Variants in LRRFIP1 observed in about 807,000 individuals in gnomAD.
LRRFIP1 encodes the protein LRR binding FLII interacting protein 1, also known as leucine-rich repeat flightless-interacting protein 1.
LRRFIP1 carries 62 observed loss-of-function variants against 104.4 expected under a neutral mutation model. That is an observed-to-expected ratio of 0.59 (90% CI 0.48 to 0.73). LRRFIP1 has a LOEUF of 0.73. LRRFIP1 is among the 30% of genes least tolerant of loss of function. The pLI is 0.00. For missense variants in LRRFIP1, 796 were observed against 824.5 expected (o/e 0.97, Z 0.42); for synonymous variants, 300 against 299.0 (o/e 1.00, Z -0.03).
chr2:237,738,970 G>A (rs2095334379), intron 10 of LRRFIP1, among the ~76,000 whole-genome samples: 2 of 152,338 alleles, frequency 1.3e-5, no homozygotes, highest in Non-Finnish European at 1.5e-5. Context: ...CCAATTGAAC[G>A]GGTGCTTTGT....
At chr2:237,704,460 A>G (rs1451040102) in intron 1 of LRRFIP1, among the ~76,000 whole-genome samples, 1 of 152,076 alleles carries the variant, frequency 6.6e-6, no homozygotes, top group African/African-American at 2.4e-5. Flanking sequence ...GGCCAACTCT[A>G]CGGATTTTCT....
At chr2:237,657,619 G>C (rs1346772842) in intron 1 of LRRFIP1, among the ~76,000 whole-genome samples, 1 of 152,142 alleles carries the variant, frequency 6.6e-6, no homozygotes, top group South Asian at 2.1e-4. Context: ...AGGAAAGAAA[G>C]CGTGACAGAA....
At chr2:237,731,177 G>A (rs907800657) in intron 8 of LRRFIP1, among the ~76,000 whole-genome samples, 31 of 152,180 alleles carry the variant, frequency 2.0e-4, no homozygotes, top group Non-Finnish European at 3.8e-4. Context: ...ATTCCTCTGC[G>A]ATTTCCTTTA....
At chr2:237,727,631 G>A (rs1026767710) in intron 7 of LRRFIP1, among the ~76,000 whole-genome samples, 1 of 152,194 alleles carries the variant, frequency 6.6e-6, no homozygotes, top group Non-Finnish European at 1.5e-5. Flanking sequence ...AACTAAGAGT[G>A]GCATGTGACA....
chr2:237,719,620 T>C, intron 5 of LRRFIP1, 53 bp downstream of exon 5: 19 of 1,331,032 alleles, frequency 1.4e-5, no homozygotes, highest in Non-Finnish European at 2.0e-5. Flanking sequence ...TTCTAATTTA[T>C]GCTTGCAGTG....
At chr2:237,686,622 G>A (rs1013769193) in intron 1 of LRRFIP1, among the ~76,000 whole-genome samples, 1 of 152,186 alleles carries the variant, frequency 6.6e-6, no homozygotes, top group Non-Finnish European at 1.5e-5. Flanking sequence ...GAGAGGTTCA[G>A]TACCCAGGTC....
intron 1 of LRRFIP1, among the ~76,000 whole-genome samples, chr2:237,699,819 A>G (rs928490919): frequency 2.0e-5 from 3 of 152,010 alleles, no homozygotes; most frequent in Admixed American, 1.3e-4. Flanking sequence ...CATTTCCAAA[A>G]TGCCCTCTAA....
intron 1 of LRRFIP1, among the ~76,000 whole-genome samples, chr2:237,641,602 T>C (rs181397100): frequency 5.0e-4 from 76 of 152,354 alleles, no homozygotes; most frequent in African/African-American, 1.7e-3. Context: ...CAATCTATTT[T>C]TCTTTCCTAA....
intron 1 of LRRFIP1, among the ~76,000 whole-genome samples, chr2:237,681,881 G>GTT (rs2091885679): frequency 6.7e-6 from 1 of 150,026 alleles, no homozygotes; most frequent in Non-Finnish European, 1.5e-5. Flanking sequence ...GGGTTTCACC[G>GTT]TTTTAGCTGG....
At chr2:237,641,727 T>C (rs1360795119) in intron 1 of LRRFIP1, among the ~76,000 whole-genome samples, 1 of 152,204 alleles carries the variant, frequency 6.6e-6, no homozygotes, top group Non-Finnish European at 1.5e-5. Context: ...GTATTACCAA[T>C]AGCTTGTTTT....
chr2:237,728,564 A>G (rs1272397669), intron 8 of LRRFIP1, among the ~76,000 whole-genome samples: 2 of 151,998 alleles, frequency 1.3e-5, no homozygotes, highest in African/African-American at 4.8e-5. Context: ...TTAATCAAGG[A>G]CAGGAGGTCA....
chr2:237,649,138 A>G lies in LRRFIP1; in HGVS notation c.96+21398A>G, dbSNP rs2085460662. Among the ~76,000 whole-genome samples, 1 of 151,716 alleles carries G rather than the reference A, an allele frequency of 6.6e-6. No individual in the cohort carries two copies. The highest frequency in any genetic ancestry group is 2.4e-5 in the African/African-American group (1 of 41,396). ...GCTGGGCCATGGTTTGGAAGCTCGC[A>G]TGGTCCCAGCCTCAGAGCCCCGTTC... is the stretch of plus-strand genomic sequence containing the variant. On this transcript the variant is annotated intron_variant, in intron 1 of 23. Coordinates refer to ENST00000308482, the MANE Select transcript of LRRFIP1 (RefSeq NM_001137550.2). The surrounding 1 kb of genome is among the most constrained non-coding windows in gnomAD (Gnocchi z 4.1).
rs528994034 is a variant in LRRFIP1, at chr2:237,665,905, T to C, written c.96+38165T>C. ...GAAGGTCTTTGAATAGTAAATGCTG[T>C]TTCCATGGCAACTGCAGTCTGGCTT... is the stretch of plus-strand genomic sequence containing the variant. On this transcript the variant is annotated intron_variant, in intron 1 of 23. Transcript: ENST00000308482. Among the ~76,000 whole-genome samples, 77 of 152,350 alleles carry C rather than the reference T, an allele frequency of 5.1e-4. 1 individual carries two copies. The highest frequency in any genetic ancestry group is 1.7e-3 in the African/African-American group (71 of 41,580).
intron 11 of LRRFIP1, among the ~76,000 whole-genome samples, chr2:237,747,374 G>A (rs2150576662): frequency 6.6e-6 from 1 of 152,306 alleles, no homozygotes; most frequent in Non-Finnish European, 1.5e-5. Context: ...TGAGGGCAGG[G>A]GCATCTGGCC....
intron 1 of LRRFIP1, among the ~76,000 whole-genome samples, chr2:237,632,099 A>G (rs2082425493): frequency 8.0e-6 from 1 of 125,224 alleles, no homozygotes; most frequent in Non-Finnish European, 1.7e-5. Context: ...CCACGGCCAC[A>G]CAGGAGTCCA....
At chr2:237,739,203 G>T in intron 10 of LRRFIP1, 29 bp from the exon 11 acceptor site, 1 of 1,547,156 alleles carries the variant, frequency 6.5e-7, no homozygotes. Flanking sequence ...GTTTCTGGCT[G>T]CGTGTCCTGG....
At chr2:237,674,308 G>A (rs1478789174) in intron 1 of LRRFIP1, among the ~76,000 whole-genome samples, 4 of 152,198 alleles carry the variant, frequency 2.6e-5, no homozygotes, top group Admixed American at 6.5e-5. Context: ...CCTAGCCTGC[G>A]CCCGCAGATG....
intron 1 of LRRFIP1, among the ~76,000 whole-genome samples, chr2:237,707,977 G>A (rs189132239): frequency 6.6e-6 from 1 of 152,242 alleles, no homozygotes; most frequent in East Asian, 1.9e-4. Flanking sequence ...TGACTGGACA[G>A]CAGTTCGCTG....
chr2:237,709,632 C>T (rs2093977160), intron 2 of LRRFIP1, among the ~76,000 whole-genome samples: 1 of 152,180 alleles, frequency 6.6e-6, no homozygotes, highest in Admixed American at 6.5e-5. Context: ...TGGCCACATA[C>T]CCTGCAGGGT....
Sources: gnomAD v4.1 joint callset for allele counts (sites outside exome capture counted in the v4.1 genomes callset) on GRCh38, gnomAD v4.1.1 for gene constraint, Gnocchi (gnomAD v3.1) non-coding constraint, MANE v1.5 for transcripts, NCBI Gene and HGNC (gene_info 2026-07-23, HGNC 2026-07-21) for gene names.